SETBP1: variants seen among roughly 807,000 people sequenced by gnomAD.
SETBP1 encodes the protein SET-binding protein.
Under a neutral mutation model 101.0 loss-of-function variants are expected in SETBP1, and 9 were observed. The ratio of observed to expected loss-of-function variants is 0.09; its 90% confidence interval spans 0.05 to 0.16. SETBP1 has a LOEUF of 0.16. SETBP1 is among the 10% of genes least tolerant of loss of function. The probability of loss-of-function intolerance (pLI) is 1.00; values close to 1 mark genes in which losing one functional copy is unlikely to be tolerated. For synonymous variants in SETBP1, 818 were observed against 788.5 expected (o/e 1.04, Z -0.63); for missense variants, 1,858 against 2,033.8 (o/e 0.91, Z 1.66).
At chr18:44,768,430 T>C (rs2070806072) in intron 2 of SETBP1, among the ~76,000 whole-genome samples, 2 of 152,314 alleles carry the variant, frequency 1.3e-5, no homozygotes, top group South Asian at 2.1e-4. Flanking sequence ...ATGTCGTGTG[T>C]GGCAGAGCTT....
intron 1 of SETBP1, among the ~76,000 whole-genome samples, chr18:44,691,992 T>C (rs2068942469): frequency 6.6e-6 from 1 of 152,160 alleles, no homozygotes; most frequent in Non-Finnish European, 1.5e-5. Context: ...ATTTCCTCCA[T>C]GAGACAAACT....
intron 5 of SETBP1, among the ~76,000 whole-genome samples, chr18:45,039,119 C>G (rs146446700): frequency 6.6e-6 from 1 of 152,170 alleles, no homozygotes; most frequent in African/African-American, 2.4e-5. Flanking sequence ...TCAACCAGTG[C>G]GTTTCACTGC....
In SETBP1 at chr18:44,951,845, G is replaced by A; in HGVS notation, c.2505G>A (p.Met835Ile). 1 of 1,613,954 alleles carries A rather than the reference G, an allele frequency of 6.2e-7. No individual in the cohort carries two copies. The highest frequency in any genetic ancestry group is 8.5e-7 in the Non-Finnish European group (1 of 1,180,018). Residue 835 changes from methionine to isoleucine, a missense_variant, in exon 4 of 6, where the codon ATG (methionine) becomes ATA (isoleucine). By Grantham distance (10) the Met-to-Ile change is conservative. Around this residue, in one of 12 missense-constraint regions of SETBP1, gnomAD observed 121 missense variants for 138.0 expected, o/e 0.88. Transcript: ENST00000649279. This position sits in a 1 kb window ranked among gnomAD's most constrained non-coding sequence, Gnocchi z 7.8. ...GTWKLSPPRL[M>I]ANSPSHLCEI... ...GGAAGCTGTCTCCACCCAGACTGATGGCCAACTCCCCTTCACACCTGTGCG... is the reference window on the plus strand; with the variant it reads ...GGAAGCTGTCTCCACCCAGACTGATAGCCAACTCCCCTTCACACCTGTGCG...
intron 2 of SETBP1, among the ~76,000 whole-genome samples, chr18:44,755,553 A>G (rs1175410774): frequency 6.0e-5 from 9 of 150,940 alleles, no homozygotes. Flanking sequence ...TCTGGAACTT[A>G]CAGCAGCCTC....
intron 2 of SETBP1, among the ~76,000 whole-genome samples, chr18:44,795,023 A>G (rs1294139752): frequency 1.3e-5 from 2 of 152,212 alleles, no homozygotes; most frequent in African/African-American, 4.8e-5. Context: ...CAAGAAAAAT[A>G]TGATTCCTGT....
Position 44,701,700 on chromosome 18 carries a change from G to T in SETBP1, c.354G>T (p.Lys118Asn). ...QTTKRAKKPP[K>N]NLENYICPPE... ...CAAAGCGGGCTAAGAAACCCCCAAA[G>T]AATTTGGAGAACTATATATGTCCAC... Residue 118 changes from lysine to asparagine, a missense_variant, in exon 2 of 6, where the codon AAG (lysine) becomes AAT (asparagine). Around this residue, in one of 12 missense-constraint regions of SETBP1, gnomAD observed 28 missense variants for 59.2 expected, o/e 0.47. Coordinates refer to ENST00000649279, the MANE Select transcript of SETBP1 (RefSeq NM_015559.3). The T allele has an allele frequency of 6.2e-7, 1 of 1,614,022 alleles. No homozygotes were observed. The highest frequency in any genetic ancestry group is 8.5e-7 in the Non-Finnish European group (1 of 1,179,978).
chr18:44,818,091 T>A (rs928299478), intron 2 of SETBP1, among the ~76,000 whole-genome samples: 2 of 152,248 alleles, frequency 1.3e-5, no homozygotes, highest in African/African-American at 4.8e-5. Flanking sequence ...ACAGCGAGAT[T>A]AAATAATTTT....
chr18:45,034,741 G>C (rs966113149), intron 4 of SETBP1, among the ~76,000 whole-genome samples: 4 of 152,020 alleles, frequency 2.6e-5, no homozygotes, highest in Admixed American at 6.6e-5. Context: ...CTCGTGTTGG[G>C]GTTTAGGGAT....
upstream of SETBP1, chr18:44,680,208 G>A (rs1438016341): frequency 2.1e-5 from 3 of 142,634 alleles, no homozygotes; most frequent in Admixed American, 6.9e-5. Flanking sequence ...GCCGCTCGCC[G>A]CCGCCTCCGC....
At chr18:44,801,107 A>T (rs1264261330) in intron 2 of SETBP1, among the ~76,000 whole-genome samples, 1 of 152,134 alleles carries the variant, frequency 6.6e-6, no homozygotes, top group African/African-American at 2.4e-5. Flanking sequence ...TAGGAAGGGG[A>T]ATATCACACA....
intron 2 of SETBP1, among the ~76,000 whole-genome samples, chr18:44,837,492 T>C (rs2072523100): frequency 6.6e-6 from 1 of 152,254 alleles, no homozygotes; most frequent in African/African-American, 2.4e-5. Context: ...ACAGGACTAT[T>C]GAATGTTCTA....
chr18:44,686,283 T>C (rs556490699), intron 1 of SETBP1, among the ~76,000 whole-genome samples: 26 of 152,372 alleles, frequency 1.7e-4, no homozygotes, highest in Admixed American at 2.0e-4. Flanking sequence ...TGCAGTGTTC[T>C]CGAGTGAACC....
intron 3 of SETBP1, among the ~76,000 whole-genome samples, chr18:44,882,188 G>A (rs1252291496): frequency 6.6e-6 from 1 of 152,180 alleles, no homozygotes; most frequent in Non-Finnish European, 1.5e-5. Context: ...AATTTGGAGA[G>A]TATACAGAAA....
chr18:44,985,167 A>G (rs2072203920), intron 4 of SETBP1, among the ~76,000 whole-genome samples: 1 of 152,108 alleles, frequency 6.6e-6, no homozygotes, highest in South Asian at 2.1e-4. Flanking sequence ...ACACTGAATG[A>G]GGTGTAAGAG....
intron 2 of SETBP1, among the ~76,000 whole-genome samples, chr18:44,779,538 C>G (rs1056155035): frequency 6.6e-6 from 1 of 151,948 alleles, no homozygotes; most frequent in Non-Finnish European, 1.5e-5. Context: ...ATGGCCTGTC[C>G]GTGGTTACAC....
Position 44,682,830 on chromosome 18 carries a change from C to T in SETBP1, c.-173+1809C>T, listed in dbSNP as rs562612510. 2.6e-5 allele frequency among the ~76,000 whole-genome samples: 4 copies of T among 152,212 alleles called. No homozygotes were observed. The East Asian group carries it at 7.7e-4, about 29-fold the overall frequency. On this transcript the variant is annotated intron_variant, in intron 1 of 5. Coordinates refer to ENST00000649279, the MANE Select transcript of SETBP1 (RefSeq NM_015559.3). ...ACCAAAACCAAAACAAACTATTGGT[C>T]TTGGGAAGTTGAGTTGGTGTTAGAC...
intron 4 of SETBP1, among the ~76,000 whole-genome samples, chr18:44,966,917 G>A (rs911711406): frequency 1.7e-4 from 26 of 152,184 alleles, no homozygotes; most frequent in African/African-American, 6.0e-4. Context: ...AGCCAAAGAA[G>A]GGTAAAATAT....
At chr18:44,749,059 G>T (rs895923344) in intron 2 of SETBP1, among the ~76,000 whole-genome samples, 1 of 152,142 alleles carries the variant, frequency 6.6e-6, no homozygotes, top group African/African-American at 2.4e-5. Flanking sequence ...AGCTTAAGGG[G>T]AGGCATTAAT....
At chr18:44,868,643 C>G (rs996353437) in intron 2 of SETBP1, among the ~76,000 whole-genome samples, 3 of 145,992 alleles carry the variant, frequency 2.1e-5, no homozygotes, top group Non-Finnish European at 4.5e-5. Context: ...TGTGGTTAGC[C>G]AAGATCATGC....
Sources: gnomAD v4.1 joint callset for allele counts (sites outside exome capture counted in the v4.1 genomes callset) on GRCh38, gnomAD v4.1.1 for gene constraint, gnomAD v4.1.1 regional missense constraint, Gnocchi (gnomAD v3.1) non-coding constraint, MANE v1.5 for transcripts, NCBI Gene and HGNC (gene_info 2026-07-23, HGNC 2026-07-21) for gene names.